Variants in MAPK4 observed in about 807,000 individuals in gnomAD.
MAPK4 encodes Erk3-related.
Under a neutral mutation model 47.7 loss-of-function variants are expected in MAPK4, and 22 were observed. That is an observed-to-expected ratio of 0.46 (90% CI 0.33 to 0.66). MAPK4 has a LOEUF of 0.66. Ranked by LOEUF, MAPK4 falls within the 30% of genes least tolerant of loss-of-function variation. The pLI, the probability that MAPK4 is intolerant of heterozygous loss-of-function variation, is 0.02. For missense variants in MAPK4, 736 were observed against 831.7 expected (o/e 0.88, Z 1.42); for synonymous variants, 390 against 365.7 (o/e 1.07, Z -0.76).
At chr18:50,625,329 G>T (rs150072608) in intron 1 of MAPK4, among the ~76,000 whole-genome samples, 1 of 152,138 alleles carries the variant, frequency 6.6e-6, no homozygotes, top group Non-Finnish European at 1.5e-5. Context: ...TGGCAAAAGC[G>T]CTGGGCATGA....
At position 50,729,697 on chromosome 18, in the gene MAPK4, A is replaced by C; in HGVS notation, c.1607A>C (p.Gln536Pro). ...PAPVDGGASP[Q>P]FDLDVFISRA... Reference sequence around the variant, plus strand: ...CCGGTGGACGGCGGCGCCAGCCCCCAGTTCGACCTGGACGTGTTCATCTCC... The same window carrying C: ...CCGGTGGACGGCGGCGCCAGCCCCCCGTTCGACCTGGACGTGTTCATCTCC... Residue 536 changes from glutamine to proline, a missense_variant, in exon 6 of 6, where the codon CAG becomes CCG. Around this residue, in one of 3 missense-constraint regions of MAPK4, gnomAD observed 377 missense variants for 378.6 expected, o/e 1.00. Coordinates refer to ENST00000400384, the MANE Select transcript of MAPK4 (RefSeq NM_002747.4). 6.4e-7 allele frequency: 1 copy of C among 1,558,454 alleles called. No individual in the cohort carries two copies. The highest frequency in any genetic ancestry group is 1.2e-5 in the South Asian group (1 of 83,874).
chr18:50,609,981 T>A (rs2042618091), intron 1 of MAPK4, among the ~76,000 whole-genome samples: 1 of 152,122 alleles, frequency 6.6e-6, no homozygotes, highest in Admixed American at 6.5e-5. Context: ...CACAACCATA[T>A]AACATGGGTA....
chr18:50,680,958 C>T (rs1908553662), intron 2 of MAPK4, among the ~76,000 whole-genome samples: 1 of 152,198 alleles, frequency 6.6e-6, no homozygotes, highest in Non-Finnish European at 1.5e-5. Context: ...AGCGAAATTA[C>T]TGGGTCATGT....
At chr18:50,646,374 T>C (rs919836517) in intron 1 of MAPK4, among the ~76,000 whole-genome samples, 7 of 152,192 alleles carry the variant, frequency 4.6e-5, no homozygotes, top group African/African-American at 1.7e-4. Context: ...TGACTTACCC[T>C]TGGCTGTTTT....
At chr18:50,562,976 G>C (rs1344985441) in intron 1 of MAPK4, among the ~76,000 whole-genome samples, 2 of 152,152 alleles carry the variant, frequency 1.3e-5, no homozygotes, top group Admixed American at 6.5e-5. Context: ...TTGGCCTCTA[G>C]AAATTCCTGG....
intron 1 of MAPK4, among the ~76,000 whole-genome samples, chr18:50,596,310 A>G (rs569782927): frequency 1.8e-4 from 27 of 152,034 alleles, no homozygotes; most frequent in Non-Finnish European, 2.4e-4. Context: ...CGCCTGTGCT[A>G]TGTTATGCCT....
chr18:50,627,309 T>C (rs79041119), intron 1 of MAPK4, among the ~76,000 whole-genome samples: 2 of 152,166 alleles, frequency 1.3e-5, no homozygotes, highest in African/African-American at 4.8e-5. Flanking sequence ...AGGATTCCCC[T>C]CAGGGGGAAG....
chr18:50,701,837 TATAAG>T (rs1401011020), intron 2 of MAPK4, among the ~76,000 whole-genome samples: 2 of 152,150 alleles, frequency 1.3e-5, no homozygotes, highest in South Asian at 4.1e-4. Context: ...CCAGAAAACT[TATAAG>T]GTAAAAGAAC....
intron 1 of MAPK4, among the ~76,000 whole-genome samples, chr18:50,651,035 T>C (rs1465560715): frequency 1.3e-5 from 2 of 152,244 alleles, no homozygotes; most frequent in African/African-American, 4.8e-5. Flanking sequence ...TTTCTGGATT[T>C]CAGTTGCCTG....
chr18:50,607,415 T>A (rs955308683), intron 1 of MAPK4, among the ~76,000 whole-genome samples: 2 of 152,200 alleles, frequency 1.3e-5, no homozygotes, highest in African/African-American at 4.8e-5. Context: ...CTGCCTCAGG[T>A]CCAGGCCTTT....
chr18:50,723,928 A>C (rs989283757), intron 4 of MAPK4, among the ~76,000 whole-genome samples: 1 of 150,822 alleles, frequency 6.6e-6, no homozygotes, highest in African/African-American at 2.4e-5. Context: ...GTATCTGGGG[A>C]CCTGCAGGAG....
chr18:50,634,454 T>G (rs774496044), intron 1 of MAPK4, among the ~76,000 whole-genome samples: 1 of 151,922 alleles, frequency 6.6e-6, no homozygotes, highest in Non-Finnish European at 1.5e-5. Context: ...CGAACACGAG[T>G]AGTCTCTTAC....
intron 1 of MAPK4, among the ~76,000 whole-genome samples, chr18:50,657,906 C>G (rs551670847): frequency 6.6e-6 from 1 of 152,036 alleles, no homozygotes; most frequent in South Asian, 2.1e-4. Flanking sequence ...CTGGTTTGTT[C>G]GTGAGGAGGA....
chr18:50,690,325 C>G (rs956475121), intron 2 of MAPK4, among the ~76,000 whole-genome samples: 1 of 152,228 alleles, frequency 6.6e-6, no homozygotes, highest in African/African-American at 2.4e-5. Flanking sequence ...ACTCCCACGC[C>G]TACTCTTTCA....
At chr18:50,564,637 A>C (rs1379507981) in intron 1 of MAPK4, among the ~76,000 whole-genome samples, 1 of 152,240 alleles carries the variant, frequency 6.6e-6, no homozygotes, top group Non-Finnish European at 1.5e-5. Flanking sequence ...TAATTTCATA[A>C]ATTAGAATAA....
intron 1 of MAPK4, among the ~76,000 whole-genome samples, chr18:50,574,854 C>T (rs189724353): frequency 1.3e-5 from 2 of 152,304 alleles, no homozygotes; most frequent in Admixed American, 1.3e-4. Context: ...AGAGAAAAAT[C>T]ACCCTCACTT....
At chr18:50,577,351 T>C (rs2149361039) in intron 1 of MAPK4, among the ~76,000 whole-genome samples, 1 of 152,300 alleles carries the variant, frequency 6.6e-6, no homozygotes, top group South Asian at 2.1e-4. Context: ...TTCTGATTTA[T>C]ATGGCGTGGG....
intron 1 of MAPK4, among the ~76,000 whole-genome samples, chr18:50,615,362 G>C (rs1262031368): frequency 6.6e-6 from 1 of 152,176 alleles, no homozygotes; most frequent in East Asian, 1.9e-4. Context: ...GTCCACCATG[G>C]CACAGCAGTT....
intron 2 of MAPK4, among the ~76,000 whole-genome samples, chr18:50,671,122 G>C (rs1907926524): frequency 6.6e-6 from 1 of 152,208 alleles, no homozygotes; most frequent in African/African-American, 2.4e-5. Flanking sequence ...GCCTTAACCA[G>C]AAGGGCTGCT....
Sources: allele counts gnomAD v4.1 joint callset (sites outside exome capture counted in the v4.1 genomes callset), GRCh38; gene constraint gnomAD v4.1.1; regional missense constraint gnomAD v4.1.1; transcripts MANE v1.5; gene names NCBI Gene and HGNC (gene_info 2026-07-23, HGNC 2026-07-21).